GALK2: variants seen among roughly 807,000 people sequenced by gnomAD.
GALK2 encodes galactokinase 2.
A neutral mutation model predicts 52.4 loss-of-function variants in GALK2; 36 were observed. The observed-to-expected ratio is 0.69, with a 90% CI of 0.53 to 0.91. The LOEUF is 0.91. GALK2 is among the 40% of genes least tolerant of loss of function. GALK2 has a pLI of 0.00. For synonymous variants in GALK2, 176 were observed against 199.1 expected (o/e 0.88, Z 0.98); for missense variants, 579 against 559.1 (o/e 1.04, Z -0.36).
At chr15:49,215,914 T>C (rs2089324663) in intron 2 of GALK2, among the ~76,000 whole-genome samples, 1 of 152,244 alleles carries the variant, frequency 6.6e-6, no homozygotes, top group Non-Finnish European at 1.5e-5. Flanking sequence ...ATTGAGTGTG[T>C]TGTGCTCTAA....
At chr15:49,275,285 C>G (rs1281246409) in intron 5 of GALK2, among the ~76,000 whole-genome samples, 2 of 152,172 alleles carry the variant, frequency 1.3e-5, no homozygotes, top group Non-Finnish European at 2.9e-5. Context: ...TCCTGGGCAG[C>G]CTTCTGGGGC....
intron 3 of GALK2, among the ~76,000 whole-genome samples, chr15:49,343,060 A>C (rs1365918448): frequency 6.6e-6 from 1 of 151,986 alleles, no homozygotes; most frequent in African/African-American, 2.4e-5. Context: ...CTGGTTGTCT[A>C]CCTCTCTAAC....
At chr15:49,313,774 A>C (rs748314545) in intron 8 of GALK2, among the ~76,000 whole-genome samples, 6 of 152,204 alleles carry the variant, frequency 3.9e-5, no homozygotes, top group Non-Finnish European at 8.8e-5. Context: ...TGCTTATGGC[A>C]TCCCTCTTAG....
At chr15:49,313,944 AAATTTAAATCAGTGGG>A in intron 8 of GALK2, among the ~76,000 whole-genome samples, 1 of 152,250 alleles carries the variant, frequency 6.6e-6, no homozygotes, top group Non-Finnish European at 1.5e-5. Context: ...TGCATAGGTT[AAATTTAAATCAGTGGG>A]ACTCTTTCAG....
chr15:49,321,066 T>C (rs530160556), intron 9 of GALK2, among the ~76,000 whole-genome samples: 27 of 152,202 alleles, frequency 1.8e-4, no homozygotes, highest in African/African-American at 6.5e-4. Flanking sequence ...AAGAGAGAAA[T>C]GACAATTAAA....
chr15:49,314,226 C>G (rs1471518565), intron 8 of GALK2, among the ~76,000 whole-genome samples: 1 of 152,180 alleles, frequency 6.6e-6, no homozygotes, highest in Non-Finnish European at 1.5e-5. Context: ...AAAAGAAAAA[C>G]TAATTTTAAC....
At chr15:49,260,086 G>T (rs1050840681) in intron 5 of GALK2, among the ~76,000 whole-genome samples, 9 of 151,888 alleles carry the variant, frequency 5.9e-5, no homozygotes, top group African/African-American at 2.2e-4. Flanking sequence ...AGTCCTTTGG[G>T]TATATACCCA....
At chr15:49,265,214 G>T (rs1480243011) in intron 5 of GALK2, among the ~76,000 whole-genome samples, 1 of 152,198 alleles carries the variant, frequency 6.6e-6, no homozygotes, top group African/African-American at 2.4e-5. Flanking sequence ...TTGAGCTGTG[G>T]TGGGCTCCAC....
intron 5 of GALK2, among the ~76,000 whole-genome samples, chr15:49,255,684 C>T (rs1186968262): frequency 6.6e-6 from 1 of 151,864 alleles, no homozygotes; most frequent in Non-Finnish European, 1.5e-5. Context: ...AAAATAATGC[C>T]ATAGTTTAGG....
chr15:49,316,921 T>C (rs192884360), intron 8 of GALK2, among the ~76,000 whole-genome samples: 21 of 152,242 alleles, frequency 1.4e-4, no homozygotes, highest in Admixed American at 7.2e-4. Context: ...CAAATCTAGA[T>C]GGCAAGGGAC....
intron 7 of GALK2, among the ~76,000 whole-genome samples, chr15:49,285,500 T>C (rs1001498228): frequency 1.2e-4 from 18 of 152,304 alleles, no homozygotes; most frequent in African/African-American, 4.3e-4. Context: ...GTTGGTCTCA[T>C]GCCCTCAGCT....
chr15:49,208,776 G>A (rs2088544899), intron 2 of GALK2, among the ~76,000 whole-genome samples: 1 of 152,104 alleles, frequency 6.6e-6, no homozygotes, highest in Non-Finnish European at 1.5e-5. Flanking sequence ...CTATTATTGT[G>A]TTGCTGTCTA....
At chr15:49,181,880 T>C (rs929063996) in intron 1 of GALK2, among the ~76,000 whole-genome samples, 3 of 152,092 alleles carry the variant, frequency 2.0e-5, no homozygotes, top group Non-Finnish European at 4.4e-5. Flanking sequence ...AATATAGATG[T>C]ATATATTTAT....
intron 3 of GALK2, chr15:49,365,569 A>G (rs1163844077): frequency 4.5e-6 from 4 of 895,972 alleles, no homozygotes; most frequent in Non-Finnish European, 5.7e-6. Context: ...TCCAGCTGCA[A>G]GTTTAACCAT....
intron 3 of GALK2, among the ~76,000 whole-genome samples, chr15:49,360,669 C>T (rs1317035167): frequency 3.3e-5 from 5 of 152,116 alleles, no homozygotes; most frequent in East Asian, 3.8e-4. Context: ...AAATCCTAGA[C>T]ATCAAAGTTT....
intron 3 of GALK2, among the ~76,000 whole-genome samples, chr15:49,350,251 G>A (rs1200355752): frequency 1.3e-5 from 2 of 152,178 alleles, no homozygotes; most frequent in African/African-American, 4.8e-5. Context: ...AATGTGGCGA[G>A]TGTATCAGAT....
intron 3 of GALK2, among the ~76,000 whole-genome samples, chr15:49,360,916 G>A (rs10775140): frequency 0.66 from 100,406 of 151,904 alleles, 33,701 homozygotes; most frequent in African/African-American, 0.74. Flanking sequence ...CATACCTCCA[G>A]TCTACTCAGT....
chr15:49,334,388 G>C (rs2039333284), downstream of GALK2: 1 of 236,742 alleles, frequency 4.2e-6, no homozygotes, highest in South Asian at 1.5e-4. Context: ...ACACGTGTTA[G>C]TAAAAGCCCT....
At chr15:49,179,581 T>C (rs762605762) in intron 1 of GALK2, among the ~76,000 whole-genome samples, 5 of 152,032 alleles carry the variant, frequency 3.3e-5, no homozygotes, top group Non-Finnish European at 7.4e-5. Context: ...GTCCATTTCA[T>C]TCACAACAGT....
Sources: allele counts gnomAD v4.1 joint callset (sites outside exome capture counted in the v4.1 genomes callset), GRCh38; gene constraint gnomAD v4.1.1; transcripts MANE v1.5; gene names NCBI Gene and HGNC (gene_info 2026-07-23, HGNC 2026-07-21).